The following IL1RL2 variants were observed in gnomAD, a reference collection of about 807,000 sequenced individuals.
IL1RL2 encodes interleukin-1 receptor-like 2.
A neutral mutation model predicts 66.8 loss-of-function variants in IL1RL2; 68 were observed. The observed-to-expected ratio is 1.02, with a 90% CI of 0.84 to 1.25. The LOEUF is 1.25. Among genes scored for constraint, IL1RL2 ranks in the 50% most tolerant of loss-of-function variants. The probability of loss-of-function intolerance (pLI) is 0.00; values close to 1 mark genes in which losing one functional copy is unlikely to be tolerated. For synonymous variants in IL1RL2, 305 were observed against 264.6 expected (o/e 1.15, Z -1.48); for missense variants, 729 against 709.3 (o/e 1.03, Z -0.32).
At chr2:102,212,502 A>G (rs1330579619) in intron 6 of IL1RL2, among the ~76,000 whole-genome samples, 1 of 152,210 alleles carries the variant, frequency 6.6e-6, no homozygotes, top group African/African-American at 2.4e-5. Flanking sequence ...CTATTAAATA[A>G]TGTTGACCAG....
In IL1RL2 at chr2:102,189,144, A is replaced by G. The variant is rs1686997746; in HGVS notation, c.127A>G (p.Thr43Ala). The G allele has an allele frequency of 6.8e-6, 11 of 1,614,152 alleles. No homozygotes were observed. The highest frequency in any genetic ancestry group is 9.3e-6 in the Non-Finnish European group (11 of 1,179,986). ...SASQPFAFNC[T>A]FPPITSGEVS... ...AAGCCAGCCTTTTGCTTTTAATTGT[A>G]CATTCCCTCCCATAACATCTGGGGA... Residue 43 changes from threonine (T) to alanine (A), a missense_variant, in exon 3 of 12, where the codon ACA (threonine) becomes GCA (alanine). Thr to Ala is a moderately conservative substitution (Grantham distance 58, BLOSUM62 0). Coordinates refer to ENST00000264257, the MANE Select transcript of IL1RL2 (RefSeq NM_003854.4).
chr2:102,235,243 G>A lies in IL1RL2; in HGVS notation c.1644G>A (p.Gln548=). The part of the protein sequence containing the change: ...PRRCRPFPPV[Q]LLQHTPCYRT... ...GGTGTCGGCCGTTTCCTCCGGTCCA[G>A]CTGCTGCAGCACACACCTTGCTACC... The change falls in exon 11 of 12, where the codon CAG becomes CAA. Residue 548 remains glutamine (Q), a synonymous_variant. Transcript: ENST00000264257. The A allele has an allele frequency of 6.2e-7, 1 of 1,613,984 alleles. No homozygotes were observed. Among genetic ancestry groups the A allele is most frequent in the Non-Finnish European group, 8.5e-7 (1 of 1,180,034 alleles).
chr2:102,206,636 G>T (rs4851558), intron 5 of IL1RL2, among the ~76,000 whole-genome samples: 42,680 of 152,170 alleles, frequency 0.28, 6,620 homozygotes, highest in East Asian at 0.39. Flanking sequence ...GAGTGACACA[G>T]GCACCACTTT....
chr2:102,230,351 C>T lies in IL1RL2; in HGVS notation c.1136-2612C>T, dbSNP rs571205094. On this transcript the variant is annotated intron_variant, in intron 9 of 11. Coordinates refer to ENST00000264257, the MANE Select transcript of IL1RL2 (RefSeq NM_003854.4). Reference sequence around the variant, plus strand: ...ACAGAAAAGTATCCACTTATTTGAGCGGTGGCCCTGATCAGTGACCTTTAT... The same window carrying T: ...ACAGAAAAGTATCCACTTATTTGAGTGGTGGCCCTGATCAGTGACCTTTAT... 1.3e-4 allele frequency among the ~76,000 whole-genome samples: 20 copies of T among 152,314 alleles called. 1 individual carries two copies. The South Asian group carries it at 2.9e-3, about 22-fold the overall frequency.
chr2:102,194,727 A>AT (rs1414586176), intron 4 of IL1RL2, among the ~76,000 whole-genome samples: 1 of 146,220 alleles, frequency 6.8e-6, no homozygotes, highest in Non-Finnish European at 1.5e-5. Flanking sequence ...TGTGTGTGTA[A>AT]TTTTTTTCTT....
At chr2:102,196,204 T>C (rs1465283335) in intron 4 of IL1RL2, among the ~76,000 whole-genome samples, 1 of 152,170 alleles carries the variant, frequency 6.6e-6, no homozygotes, top group African/African-American at 2.4e-5. Context: ...TTTTAAAAAT[T>C]CTGATGTTCA....
intron 8 of IL1RL2, among the ~76,000 whole-genome samples, chr2:102,220,225 G>A (rs1045066440): frequency 6.6e-6 from 1 of 152,158 alleles, no homozygotes; most frequent in Admixed American, 6.5e-5. Flanking sequence ...AGTATATTTT[G>A]AAAGTGCCAT....
chr2:102,241,321 G>T (rs1385789243), downstream of IL1RL2, among the ~76,000 whole-genome samples: 3 of 152,198 alleles, frequency 2.0e-5, no homozygotes, highest in African/African-American at 7.2e-5. Context: ...AGAGGGGACT[G>T]CGGTCATAGG....
chr2:102,232,978 A>G lies in IL1RL2; in HGVS notation c.1151A>G (p.Asp384Gly), dbSNP rs1691265989. Reference protein sequence around the residue: ...TETIVDGKLYDAYVLYPKPHK... With the variant: ...TETIVDGKLYGAYVLYPKPHK... The stretch of plus-strand genomic sequence containing the variant: ...TCCTTTTCAGATGGGAAGCTGTATG[A>G]CGCCTATGTCTTATACCCCAAGCCC... Residue 384 changes from aspartate (D) to glycine (G), a missense_variant, in exon 10 of 12, where the codon GAC becomes GGC. By Grantham distance (94) the Asp-to-Gly change is moderately conservative. Transcript: ENST00000264257. 6.2e-7 allele frequency: 1 copy of G among 1,611,428 alleles called. No individual in the cohort carries two copies. The highest frequency in any genetic ancestry group is 1.7e-5 in the Admixed American group (1 of 59,792).
intron 4 of IL1RL2, among the ~76,000 whole-genome samples, chr2:102,198,952 T>C (rs1224673497): frequency 1.3e-5 from 2 of 152,152 alleles, no homozygotes; most frequent in Non-Finnish European, 2.9e-5. Flanking sequence ...CCATGCACCA[T>C]GGTTAGATCT....
At chr2:102,234,152 A>G (rs1674626228) in intron 10 of IL1RL2, among the ~76,000 whole-genome samples, 1 of 152,250 alleles carries the variant, frequency 6.6e-6, no homozygotes, top group Admixed American at 6.5e-5. Context: ...GGTCATTTAA[A>G]TAACTATAAA....
intron 8 of IL1RL2, among the ~76,000 whole-genome samples, chr2:102,224,215 G>T (rs1040032153): frequency 6.6e-6 from 1 of 152,146 alleles, no homozygotes; most frequent in African/African-American, 2.4e-5. Context: ...TCCTACTGCT[G>T]GTTATATACC....
intron 4 of IL1RL2, among the ~76,000 whole-genome samples, chr2:102,199,642 T>C (rs3771194): frequency 0.28 from 42,662 of 151,964 alleles, 6,622 homozygotes; most frequent in East Asian, 0.39. Context: ...AGAATAGAGG[T>C]AGTCTAAGTT....
At chr2:102,241,072 C>T (rs1675218393), downstream of IL1RL2, among the ~76,000 whole-genome samples, 1 of 152,250 alleles carries the variant, frequency 6.6e-6, no homozygotes, top group Admixed American at 6.5e-5. Flanking sequence ...CTGCCGCAAC[C>T]TACCTAGGCG....
intron 1 of IL1RL2, 133 bp from the exon 2 acceptor site, chr2:102,187,723 G>T: frequency 1.3e-6 from 1 of 766,702 alleles, no homozygotes. Context: ...GCCAAAGTCG[G>T]AGGGCTCCCC....
At chr2:102,191,089 T>A (rs1687194371) in intron 3 of IL1RL2, among the ~76,000 whole-genome samples, 1 of 152,184 alleles carries the variant, frequency 6.6e-6, no homozygotes, top group Non-Finnish European at 1.5e-5. Context: ...ATTTATCTTA[T>A]AATTTTCTCT....
At chr2:102,222,807 T>A (rs1249749764) in intron 8 of IL1RL2, among the ~76,000 whole-genome samples, 1 of 152,112 alleles carries the variant, frequency 6.6e-6, no homozygotes, top group African/African-American at 2.4e-5. Context: ...AGACTCAGGG[T>A]CCACCCCAGA....
At chr2:102,187,961 C>G in intron 2 of IL1RL2, 36 bp downstream of exon 2, 2 of 1,597,396 alleles carry the variant, frequency 1.3e-6, no homozygotes, top group Non-Finnish European at 1.7e-6. Flanking sequence ...CAGAGGCTGC[C>G]CGAGTCCACA....
intron 11 of IL1RL2, among the ~76,000 whole-genome samples, chr2:102,237,493 G>A (rs954699767): frequency 1.3e-5 from 2 of 152,234 alleles, no homozygotes; most frequent in Admixed American, 1.3e-4. Context: ...GCCCAGAGAA[G>A]AGAACGGCAG....
Sources: gnomAD v4.1 joint callset for allele counts (sites outside exome capture counted in the v4.1 genomes callset) on GRCh38, gnomAD v4.1.1 for gene constraint, MANE v1.5 for transcripts, NCBI Gene and HGNC (gene_info 2026-07-23, HGNC 2026-07-21) for gene names.